VPS39: variants seen among roughly 807,000 people sequenced by gnomAD.
VPS39 encodes the protein vam6/Vps39-like protein.
In VPS39, 70 loss-of-function variants were observed where a neutral mutation model predicts 121.0. The observed-to-expected ratio is 0.58, with a 90% CI of 0.48 to 0.71. The LOEUF (loss-of-function observed/expected upper bound fraction) is 0.71. VPS39 is among the 30% of genes least tolerant of loss of function. The probability of loss-of-function intolerance (pLI) is 0.00; values close to 1 mark genes in which losing one functional copy is unlikely to be tolerated. For missense variants in VPS39, 818 were observed against 1,051.5 expected (o/e 0.78, Z 3.07); for synonymous variants, 378 against 398.1 (o/e 0.95, Z 0.60).
chr15:42,174,845 G>A (rs1257484649), intron 10 of VPS39, among the ~76,000 whole-genome samples: 1 of 152,082 alleles, frequency 6.6e-6, no homozygotes, highest in East Asian at 1.9e-4. Flanking sequence ...ATGGTGGCAT[G>A]TGCCTGTAAT....
At chr15:42,201,927 G>A (rs552297660) in intron 1 of VPS39, among the ~76,000 whole-genome samples, 22 of 152,260 alleles carry the variant, frequency 1.4e-4, no homozygotes, top group Non-Finnish European at 2.2e-4. Flanking sequence ...AATGCTAAAC[G>A]CATCTGTTAT....
intron 1 of VPS39, among the ~76,000 whole-genome samples, chr15:42,204,635 G>A (rs1008424046): frequency 3.3e-5 from 5 of 152,034 alleles, no homozygotes; most frequent in African/African-American, 1.2e-4. Flanking sequence ...GGGCGACAGA[G>A]CGAGACTCAG....
At chr15:42,187,400 A>AT (rs764738816) in intron 6 of VPS39, 37 bp from the exon 7 acceptor site, 13 of 1,554,624 alleles carry the variant, frequency 8.4e-6, no homozygotes, top group South Asian at 1.2e-5. Flanking sequence ...TGAAATAAAT[A>AT]TTTTTTTAAA....
At position 42,199,963 on chromosome 15, in the gene VPS39, T is replaced by C; in HGVS notation, c.74-2A>G. 1 of 1,565,502 alleles carries C rather than the reference T, an allele frequency of 6.4e-7. No individual in the cohort carries two copies. The highest frequency in any genetic ancestry group is 8.6e-7 in the Non-Finnish European group (1 of 1,164,890). On this transcript the variant is annotated splice_acceptor_variant, in intron 1 of 24. Transcript: ENST00000318006. LOFTEE classifies it high-confidence loss of function. ...TGGTTCCCACAAGAAGCCATTCCTC[T>C]GGAAAAACAAAACAAAACAAAAACA...
At chr15:42,199,702 C>T (rs2140889179) in intron 2 of VPS39, 194 bp downstream of exon 2, 1 of 574,890 alleles carries the variant, frequency 1.7e-6, no homozygotes. Context: ...TCATCCTCAC[C>T]TCCCAAATGC....
chr15:42,208,244 G>C lies in VPS39; in HGVS notation c.-91C>G. 1.3e-6 allele frequency: 2 copies of C among 1,496,984 alleles called. No individual in the cohort carries two copies. The highest frequency in any genetic ancestry group is 2.1e-5 in the Admixed American group (1 of 48,000). 92.7% of individuals were successfully genotyped at this position (1,496,984 alleles called of 1,614,324 possible). ...AACGAGTCTGGGCTAAGGGTAGACCGGGATCCGGCCAGGAACCCCCCGGCT... is the reference window on the plus strand; with the variant it reads ...AACGAGTCTGGGCTAAGGGTAGACCCGGATCCGGCCAGGAACCCCCCGGCT... On this transcript the variant is annotated 5_prime_UTR_variant, in exon 1 of 25. Transcript: ENST00000318006.
At chr15:42,172,941 G>A (rs1257155838) in intron 11 of VPS39, among the ~76,000 whole-genome samples, 2 of 152,154 alleles carry the variant, frequency 1.3e-5, no homozygotes, top group African/African-American at 4.8e-5. Context: ...CCAAGGTTGA[G>A]GAATGGTGGA....
At chr15:42,183,909 A>G (rs1332151836) in intron 8 of VPS39, among the ~76,000 whole-genome samples, 2 of 152,196 alleles carry the variant, frequency 1.3e-5, no homozygotes, top group African/African-American at 4.8e-5. Context: ...TGAAAATAAA[A>G]TGGGGCAAGA....
intron 1 of VPS39, among the ~76,000 whole-genome samples, chr15:42,205,370 G>A (rs915609635): frequency 6.6e-6 from 1 of 152,292 alleles, no homozygotes; most frequent in Middle Eastern, 3.4e-3. Context: ...GGAAGGTTTT[G>A]CTGATTTGGG....
At chr15:42,202,770 C>T (rs2050092362) in intron 1 of VPS39, among the ~76,000 whole-genome samples, 1 of 152,298 alleles carries the variant, frequency 6.6e-6, no homozygotes, top group African/African-American at 2.4e-5. Context: ...ATGACAGCCT[C>T]CTCCTATAGA....
At chr15:42,206,153 T>C (rs1433868289) in intron 1 of VPS39, among the ~76,000 whole-genome samples, 1 of 152,190 alleles carries the variant, frequency 6.6e-6, no homozygotes, top group Non-Finnish European at 1.5e-5. Context: ...TGATTTCTAT[T>C]TCCCAGGAGA....
chr15:42,192,213 A>G, intron 2 of VPS39: 1 of 979,364 alleles, frequency 1.0e-6, no homozygotes, highest in Non-Finnish European at 1.6e-6. Flanking sequence ...AAAAGAGAAT[A>G]ATTATCATCA....
Position 42,169,883 on chromosome 15 carries a change from C to T in VPS39, c.1091-17G>A, listed in dbSNP as rs1057217231. 1.3e-6 allele frequency: 2 copies of T among 1,592,836 alleles called. No individual in the cohort carries two copies. Among genetic ancestry groups the T allele is most frequent in the East Asian group, 2.3e-5 (1 of 44,222 alleles). On this transcript the variant is annotated splice_polypyrimidine_tract_variant and intron_variant, in intron 11 of 24. Coordinates refer to ENST00000318006, the MANE Select transcript of VPS39 (RefSeq NM_015289.5). ...GGGTGGGATCTATATGGAAGGTAAA[C>T]ATGATTCCTCTGGAAAGGAGCCCAA...
Position 42,165,021 on chromosome 15 carries a change from C to T in VPS39, c.1872G>A (p.Lys624=). 2 of 1,614,214 alleles carry T rather than the reference C, an allele frequency of 1.2e-6. No homozygotes were observed. Among genetic ancestry groups the T allele is most frequent in the Non-Finnish European group, 1.7e-6 (2 of 1,180,044 alleles). Residue 624 remains lysine (K), a synonymous_variant, in exon 18 of 25, where the codon AAG becomes AAA. Transcript: ENST00000318006. ...CTGCAGGGAAGGACAGGAGATACTC[C>T]TTCATCAGACCTTGCACCTTCTCAC... ...LYCEKVQGLM[K]EYLLSFPAGK...
At position 42,162,390 on chromosome 15, in the gene VPS39, T is replaced by G. The variant is rs773678529; in HGVS notation, c.2267A>C (p.Asn756Thr). 1 of 1,611,522 alleles carries G rather than the reference T, an allele frequency of 6.2e-7. No homozygotes were observed. Residue 756 changes from asparagine (N) to threonine (T), a missense_variant, in exon 22 of 25, where the codon AAC (asparagine) becomes ACC (threonine). Transcript: ENST00000318006. ...GAGGACCTGCAGAGCGGCCTGGAGG[T>G]TGGCTTTTGGCTCCAGTAGTTCCAG... ...IKLELLEPKA[N>T]LQAALQVLEL...
At chr15:42,183,586 T>C (rs1053060397) in intron 8 of VPS39, among the ~76,000 whole-genome samples, 8 of 152,202 alleles carry the variant, frequency 5.3e-5, no homozygotes, top group African/African-American at 1.7e-4. Context: ...TCTACTCATT[T>C]ATTGGGCTTT....
intron 11 of VPS39, among the ~76,000 whole-genome samples, chr15:42,170,461 C>A (rs2049325161): frequency 6.6e-6 from 1 of 152,086 alleles, no homozygotes. Context: ...TGTGATCATG[C>A]CACTGTACTC....
chr15:42,163,654 T>C lies in VPS39; in HGVS notation c.2101A>G (p.Ile701Val). Residue 701 changes from isoleucine (I) to valine (V), a missense_variant, in exon 20 of 25, where the codon ATC becomes GTC. Coordinates refer to ENST00000318006, the MANE Select transcript of VPS39 (RefSeq NM_015289.5). ...HEQALFIYVH[I>V]LKDTRMAEEY... ...TCAGCCATCCTTGTATCCTTCAAGA[T>C]GTGGACATAAATGAAAAGAGCTTGT... 6.2e-7 allele frequency: 1 copy of C among 1,614,062 alleles called. No homozygotes were observed. The highest frequency in any genetic ancestry group is 8.5e-7 in the Non-Finnish European group (1 of 1,179,974).
chr15:42,165,102 G>A lies in VPS39; in HGVS notation c.1791C>T (p.Ile597=). The A allele has an allele frequency of 6.2e-7, 1 of 1,614,188 alleles. No homozygotes were observed. Among genetic ancestry groups the A allele is most frequent in the South Asian group, 1.1e-5 (1 of 91,082 alleles). The stretch of plus-strand genomic sequence containing the variant: ...GAGAGCCTGTCTCCTCCCAAACATG[G>A]ATGATGTGTTCCTGAGGCAAGATGT... The part of the protein sequence containing the change: ...GLAIPYLEHI[I]HVWEETGSRF... Residue 597 remains isoleucine, a synonymous_variant, in exon 18 of 25, where the codon ATC becomes ATT. Coordinates refer to ENST00000318006, the MANE Select transcript of VPS39 (RefSeq NM_015289.5).
Sources: gnomAD v4.1 joint callset for allele counts (sites outside exome capture counted in the v4.1 genomes callset) on GRCh38, gnomAD v4.1.1 for gene constraint, MANE v1.5 for transcripts, NCBI Gene and HGNC (gene_info 2026-07-23, HGNC 2026-07-21) for gene names.